Variants in RPIA observed in about 807,000 individuals in gnomAD.
The protein encoded by RPIA is ribose-5-phosphate isomerase.
A neutral mutation model predicts 37.8 loss-of-function variants in RPIA; 29 were observed. The ratio of observed to expected loss-of-function variants is 0.77; its 90% confidence interval spans 0.57 to 1.05. The LOEUF (loss-of-function observed/expected upper bound fraction) is 1.05, where lower values mean the gene tolerates loss of function less well. RPIA is among the 50% of genes least tolerant of loss of function. The pLI is 0.00. For missense variants in RPIA, 385 were observed against 413.6 expected (o/e 0.93, Z 0.60); for synonymous variants, 167 against 157.0 (o/e 1.06, Z -0.48).
chr2:88,749,857 G>T (rs1036421792), intron 8 of RPIA, 124 bp from the exon 9 acceptor site: 1 of 688,632 alleles, frequency 1.5e-6, no homozygotes, highest in South Asian at 1.5e-5. Context: ...GGAGAAAAAG[G>T]CTTTAGATTT....
rs1029238068 is a variant in RPIA, at chr2:88,738,096, C to T, written c.838+20C>T. ...TCCCAGGTAACATGAGTGGTGTTCA[C>T]CAGTCATATACACACCCATGGCCTT... On this transcript the variant is annotated intron_variant, in intron 8 of 8. Transcript: ENST00000283646. 5.8e-6 allele frequency: 9 copies of T among 1,557,816 alleles called. No individual in the cohort carries two copies. The highest frequency in any genetic ancestry group is 6.2e-6 in the Non-Finnish European group (7 of 1,128,854).
chr2:88,735,678 G>A lies in RPIA; in HGVS notation c.537G>A (p.Leu179=). 6.2e-7 allele frequency: 1 copy of A among 1,614,108 alleles called. No homozygotes were observed. The highest frequency in any genetic ancestry group is 2.2e-5 in the East Asian group (1 of 44,884). The change falls in exon 6 of 9, where the codon CTG becomes CTA. Residue 179 remains leucine (L), a synonymous_variant. Coordinates refer to ENST00000283646, the MANE Select transcript of RPIA (RefSeq NM_144563.3). Reference sequence around the variant, plus strand: ...TGCTTCTTTCCTGCAGAGGCTGCCTGACCCAGGAGAAGATTGTGGCTGGCT... The same window carrying A: ...TGCTTCTTTCCTGCAGAGGCTGCCTAACCCAGGAGAAGATTGTGGCTGGCT... ...LNLIKGGGGC[L]TQEKIVAGYA...
intron 3 of RPIA, among the ~76,000 whole-genome samples, chr2:88,708,452 G>T (rs1023901956): frequency 6.6e-6 from 1 of 152,200 alleles, no homozygotes; most frequent in Non-Finnish European, 1.5e-5. Context: ...CAAAAAAAAG[G>T]TCCCTTGGCT....
intron 5 of RPIA, among the ~76,000 whole-genome samples, chr2:88,735,176 C>G (rs530662789): frequency 2.0e-5 from 3 of 152,158 alleles, no homozygotes; most frequent in Non-Finnish European, 2.9e-5. Flanking sequence ...GATTTTCTTA[C>G]GTGTTACTTA....
At chr2:88,746,451 T>A (rs1673438817) in intron 8 of RPIA, among the ~76,000 whole-genome samples, 1 of 152,224 alleles carries the variant, frequency 6.6e-6, no homozygotes, top group African/African-American at 2.4e-5. Context: ...TCCAATGGGG[T>A]GATCCCTTGA....
intron 8 of RPIA, among the ~76,000 whole-genome samples, chr2:88,746,802 G>A (rs1673442548): frequency 6.6e-6 from 1 of 152,200 alleles, no homozygotes; most frequent in Non-Finnish European, 1.5e-5. Context: ...GGATGTTGCA[G>A]GCGGTGGAAT....
In RPIA at chr2:88,700,008, G is replaced by A. The variant is rs1422698928; in HGVS notation, c.347-1G>A. The A allele has an allele frequency of 2.5e-6, 4 of 1,614,176 alleles. No individual in the cohort carries two copies. Among genetic ancestry groups the A allele is most frequent in the Non-Finnish European group, 3.4e-6 (4 of 1,180,022 alleles). ...TGCCAATATGGCTTTTGTTTCCACAGCTGAAAGGGTGAAGCAAGAGAATCT... is the reference window on the plus strand; with the variant it reads ...TGCCAATATGGCTTTTGTTTCCACAACTGAAAGGGTGAAGCAAGAGAATCT... On this transcript the variant is annotated splice_acceptor_variant, in intron 2 of 8. Transcript: ENST00000283646. LOFTEE classifies it high-confidence loss of function.
intron 3 of RPIA, among the ~76,000 whole-genome samples, chr2:88,712,885 T>A (rs1264323221): frequency 6.6e-6 from 1 of 151,842 alleles, no homozygotes; most frequent in Non-Finnish European, 1.5e-5. Flanking sequence ...TTTTCTTTTT[T>A]TAGACGGTGT....
Position 88,698,485 on chromosome 2 carries a change from A to G in RPIA, c.287A>G (p.Asn96Ser), listed in dbSNP as rs1455102533. 1 of 1,614,178 alleles carries G rather than the reference A, an allele frequency of 6.2e-7. No individual in the cohort carries two copies. The highest frequency in any genetic ancestry group is 1.7e-5 in the Admixed American group (1 of 60,030). Residue 96 changes from asparagine to serine, a missense_variant and splice_region_variant, in exon 2 of 9, where the codon AAT becomes AGT. Asn to Ser is a conservative substitution (Grantham distance 46, BLOSUM62 1). This residue lies in a region of RPIA where 232 missense variants were observed against 203.0 expected (regional missense o/e 1.14). Transcript: ENST00000283646. ...TTTTTCTTCCCCGTTTTTTGGCAGA[A>G]TAACCAAGTGCTGGGAATTGGAAGT... ...GRAAVENHVR[N>S]NQVLGIGSGS...
intron 4 of RPIA, among the ~76,000 whole-genome samples, chr2:88,730,298 T>C (rs1673249541): frequency 1.0e-5 from 1 of 95,406 alleles, no homozygotes. Flanking sequence ...ACCAATATCC[T>C]TGATGAACAT....
chr2:88,727,054 A>G (rs1224560595), intron 3 of RPIA, among the ~76,000 whole-genome samples: 1 of 152,096 alleles, frequency 6.6e-6, no homozygotes, highest in Non-Finnish European at 1.5e-5. Context: ...CGATGTGTTA[A>G]TGATTGGTTT....
chr2:88,699,960 ATAAAG>A (rs1672808334), intron 2 of RPIA, 44 bp from the exon 3 acceptor site: 1 of 1,593,938 alleles, frequency 6.3e-7, no homozygotes, highest in Non-Finnish European at 8.6e-7. Flanking sequence ...GACAAGAAGA[ATAAAG>A]TAAGGAGAGT....
chr2:88,728,592 T>A (rs1673226538), intron 3 of RPIA, among the ~76,000 whole-genome samples: 1 of 152,230 alleles, frequency 6.6e-6, no homozygotes, highest in African/African-American at 2.4e-5. Context: ...GTTTGAGGTA[T>A]CTTTATTCCA....
At chr2:88,720,580 A>G (rs1270310552) in intron 3 of RPIA, among the ~76,000 whole-genome samples, 1 of 150,448 alleles carries the variant, frequency 6.6e-6, no homozygotes, top group Non-Finnish European at 1.5e-5. Flanking sequence ...TTAAAAAATA[A>G]TTTAAATTAT....
intron 1 of RPIA, 30 bp from the exon 2 acceptor site, chr2:88,698,453 GT>G (rs1176262370): frequency 2.1e-5 from 34 of 1,601,820 alleles, no homozygotes; most frequent in Non-Finnish European, 2.7e-5. Context: ...ATATTAATAA[GT>G]TTTGTTTTTT....
rs34188663 is a variant in RPIA, at chr2:88,698,903, AGT to A, written c.346+361_346+362del. On this transcript the variant is annotated intron_variant, in intron 2 of 8. Transcript: ENST00000283646. Reference sequence around the variant, plus strand: ...TCCTCAGGCAGATAATTGAGGCCATAGTGGGTTTGCCCTGTCCATGACCCTGG... The same window carrying A: ...TCCTCAGGCAGATAATTGAGGCCATAGGGTTTGCCCTGTCCATGACCCTGG... Among the ~76,000 whole-genome samples the A allele has an allele frequency of 1.7e-3, 257 of 152,328 alleles. 1 individual carries two copies. Among genetic ancestry groups the A allele is most frequent in the Non-Finnish European group, 2.5e-3 (170 of 68,032 alleles).
chr2:88,702,440 G>A (rs984822333), intron 3 of RPIA, among the ~76,000 whole-genome samples: 1 of 133,994 alleles, frequency 7.5e-6, no homozygotes, highest in African/African-American at 3.3e-5. Context: ...CACGTGCTGG[G>A]GAAGCCTCAC....
rs1343863970 is a variant in RPIA at position 88,749,983 on chromosome 2, G to A, written c.841G>A (p.Val281Met). The change falls in exon 9 of 9, where the codon GTG becomes ATG. Residue 281 changes from valine (V) to methionine (M), a missense_variant and splice_region_variant. This residue lies in a region of RPIA where 153 missense variants were observed against 210.6 expected (regional missense o/e 0.73). Transcript: ENST00000283646. ...TCTTTCTGTCCTTTGTCCTGCAGGTGTGGTGGACACAGGCCTATTCATCAA... is the reference window on the plus strand; with the variant it reads ...TCTTTCTGTCCTTTGTCCTGCAGGTATGGTGGACACAGGCCTATTCATCAA... ...VNTAIKMIPG[V>M]VDTGLFINMA... The A allele has an allele frequency of 6.2e-7, 1 of 1,609,654 alleles. No homozygotes were observed. The highest frequency in any genetic ancestry group is 8.5e-7 in the Non-Finnish European group (1 of 1,176,252).
At chr2:88,714,098 A>G (rs987583012) in intron 3 of RPIA, among the ~76,000 whole-genome samples, 2 of 152,114 alleles carry the variant, frequency 1.3e-5, no homozygotes, top group African/African-American at 4.8e-5. Context: ...CAACACAATG[A>G]AAATATTGTT....
Sources: gnomAD v4.1 joint callset for allele counts (sites outside exome capture counted in the v4.1 genomes callset) on GRCh38, gnomAD v4.1.1 for gene constraint, gnomAD v4.1.1 regional missense constraint, MANE v1.5 for transcripts, NCBI Gene and HGNC (gene_info 2026-07-23, HGNC 2026-07-21) for gene names.